Variants in CSMD1 observed in about 807,000 individuals in gnomAD.
CSMD1 encodes the protein CUB and Sushi multiple domains 1.
Under a neutral mutation model 417.5 loss-of-function variants are expected in CSMD1, and 213 were observed. The observed-to-expected ratio is 0.51, with a 90% CI of 0.46 to 0.57. The LOEUF (loss-of-function observed/expected upper bound fraction) is 0.57, where lower values mean the gene tolerates loss of function less well. Ranked by LOEUF, CSMD1 falls within the 20% of genes least tolerant of loss-of-function variation. The probability of loss-of-function intolerance (pLI) is 0.00; values close to 1 mark genes in which losing one functional copy is unlikely to be tolerated. For missense variants in CSMD1, 6,923 were observed against 4,529.7 expected, an observed-to-expected ratio of 1.53 and a Z score of -15.17; for synonymous variants, 2,862 against 1,736.8, an observed-to-expected ratio of 1.65 and a Z score of -16.11.
intron 5 of CSMD1, among the ~76,000 whole-genome samples, chr8:3,854,831 A>C (rs1804182198): frequency 6.6e-6 from 1 of 152,218 alleles, no homozygotes; most frequent in Non-Finnish European, 1.5e-5. Context: ...AAACATAACA[A>C]AAACAGGGAA....
chr8:4,764,308 A>G (rs968187956), intron 1 of CSMD1, among the ~76,000 whole-genome samples: 3 of 152,332 alleles, frequency 2.0e-5, no homozygotes, highest in African/African-American at 7.2e-5. Context: ...TTGAAAACAT[A>G]TAGTAGAGCA....
intron 5 of CSMD1, among the ~76,000 whole-genome samples, chr8:3,936,839 G>A (rs1232630734): frequency 6.6e-6 from 1 of 152,166 alleles, no homozygotes; most frequent in Non-Finnish European, 1.5e-5. Flanking sequence ...CATGGAGAGT[G>A]AGTCCATTGA....
At chr8:4,069,274 T>A (rs1799420723) in intron 3 of CSMD1, among the ~76,000 whole-genome samples, 1 of 152,214 alleles carries the variant, frequency 6.6e-6, no homozygotes, top group South Asian at 2.1e-4. Context: ...GAATTCTTTG[T>A]CTAGTAGGAG....
At chr8:4,202,226 T>C (rs750039799) in intron 3 of CSMD1, among the ~76,000 whole-genome samples, 2 of 152,240 alleles carry the variant, frequency 1.3e-5, no homozygotes, top group Non-Finnish European at 2.9e-5. Flanking sequence ...GACTATTTGA[T>C]GAATTATGCC....
chr8:3,319,151 C>T (rs1418620694), intron 23 of CSMD1, among the ~76,000 whole-genome samples: 1 of 152,072 alleles, frequency 6.6e-6, no homozygotes, highest in Non-Finnish European at 1.5e-5. Flanking sequence ...AAAGGCCTAG[C>T]TTTTAAAAAA....
In CSMD1 at chr8:2,961,189, G is replaced by T. The variant is rs771912478; in HGVS notation, c.9654C>A (p.Asp3218Glu). 54 of 1,600,620 alleles carry T rather than the reference G, an allele frequency of 3.4e-5. No individual in the cohort carries two copies. Among genetic ancestry groups the T allele is most frequent in the Non-Finnish European group, 4.4e-5 (52 of 1,171,348 alleles). ...GTATTCCAAAGTGTGGCGTACCAGG[G>T]TCTGGGCAGGTGTTATGAGCAGGAT... ...CIDPAHNTCP[D>E]PGTPHFGIQN... is the part of the protein sequence containing the mutation. Residue 3218 changes from aspartate to glutamate, a missense_variant, in exon 62 of 70, where the codon GAC becomes GAA. Physicochemically the swap from Asp to Glu is conservative, Grantham distance 45 (BLOSUM62 2). Coordinates refer to ENST00000635120, the MANE Select transcript of CSMD1 (RefSeq NM_033225.6).
intron 7 of CSMD1, among the ~76,000 whole-genome samples, chr8:3,707,483 G>C (rs10111124): frequency 0.38 from 57,925 of 152,084 alleles, 11,347 homozygotes; most frequent in East Asian, 0.56. Context: ...CCAATGGGTA[G>C]AAAGTCCTAG....
chr8:4,047,908 T>C (rs74565624), intron 3 of CSMD1, among the ~76,000 whole-genome samples: 5,615 of 152,206 alleles, frequency 0.037, 378 homozygotes, highest in African/African-American at 0.13. Context: ...TGATTTTATG[T>C]AGTATTATAA....
At chr8:4,244,377 G>C (rs957603788) in intron 3 of CSMD1, among the ~76,000 whole-genome samples, 1 of 152,154 alleles carries the variant, frequency 6.6e-6, no homozygotes, top group African/African-American at 2.4e-5. Flanking sequence ...ACCTAGAAAC[G>C]GATGTTTTTA....
chr8:3,881,444 G>T (rs1266885974), intron 5 of CSMD1, among the ~76,000 whole-genome samples: 2 of 151,390 alleles, frequency 1.3e-5, no homozygotes, highest in Non-Finnish European at 2.9e-5. Context: ...AGACCAGCCT[G>T]GTCAAGATGG....
rs374504160 is a variant in CSMD1, at chr8:3,316,322, T to TA, written c.3632-7820dup. Among the ~76,000 whole-genome samples, 8 of 151,840 alleles carry TA rather than the reference T, an allele frequency of 5.3e-5. No individual in the cohort carries two copies. The East Asian group carries it at 5.9e-4, about 11-fold the overall frequency. On this transcript the variant is annotated intron_variant, in intron 23 of 69. Coordinates refer to ENST00000635120, the MANE Select transcript of CSMD1 (RefSeq NM_033225.6). The stretch of plus-strand genomic sequence containing the variant: ...AAAAATAAAGGAAAATAATGAGCTG[T>TA]AAAAAAAATGTTTTCAAATCTATCA...
intron 1 of CSMD1, among the ~76,000 whole-genome samples, chr8:4,992,228 C>CCCGCCT (rs965910953): frequency 2.7e-5 from 4 of 150,568 alleles, no homozygotes; most frequent in African/African-American, 5.0e-5. Context: ...CACCCTCCCT[C>CCCGCCT]CCGCCTCCGC....
At chr8:4,865,160 T>C in intron 1 of CSMD1, among the ~76,000 whole-genome samples, 1 of 151,814 alleles carries the variant, frequency 6.6e-6, no homozygotes, top group East Asian at 1.9e-4. Flanking sequence ...AATCTTATTC[T>C]TGTTTTACTT....
At chr8:3,974,798 AT>A (rs1292089731) in intron 5 of CSMD1, among the ~76,000 whole-genome samples, 2 of 152,106 alleles carry the variant, frequency 1.3e-5, no homozygotes, top group African/African-American at 4.8e-5. Flanking sequence ...TTAATTCACA[AT>A]TTTTTATAAA....
At chr8:4,379,404 G>T (rs1197191464) in intron 3 of CSMD1, among the ~76,000 whole-genome samples, 3 of 152,174 alleles carry the variant, frequency 2.0e-5, no homozygotes, top group Admixed American at 2.0e-4. Flanking sequence ...AGTGACAGTG[G>T]CAAACCTGGT....
chr8:3,553,821 T>C (rs1799023556), intron 10 of CSMD1, among the ~76,000 whole-genome samples: 1 of 152,230 alleles, frequency 6.6e-6, no homozygotes. Context: ...ATATTTATAA[T>C]ATTTGTATCA....
intron 5 of CSMD1, among the ~76,000 whole-genome samples, chr8:3,939,461 A>G (rs760743842): frequency 1.1e-4 from 17 of 152,176 alleles, no homozygotes; most frequent in African/African-American, 1.7e-4. Context: ...GAGATTCCTT[A>G]AAGAACTAAA....
chr8:2,935,786 T>TA lies in CSMD1; in HGVS notation c.*2798dup, dbSNP rs1320776057. ...ATCATAATGCCAGCGTTCTTTTTTT[T>TA]ACCCCCTTTTTATAATAGCTTTTTG... On this transcript the variant is annotated 3_prime_UTR_variant, in exon 70 of 70. Transcript: ENST00000635120. 2.0e-5 allele frequency: 3 copies of TA among 152,200 alleles called. No homozygotes were observed. Among genetic ancestry groups the TA allele is most frequent in the South Asian group, 4.1e-4 (2 of 4,828 alleles). 9.4% of individuals were successfully genotyped at this position (152,200 alleles called of 1,614,324 possible).
intron 5 of CSMD1, among the ~76,000 whole-genome samples, chr8:3,988,173 A>C (rs1312512360): frequency 6.6e-6 from 1 of 152,124 alleles, no homozygotes. Context: ...AAACTAAATC[A>C]GAGTCTCTAA....
Sources: gnomAD v4.1 joint callset for allele counts (sites outside exome capture counted in the v4.1 genomes callset) on GRCh38, gnomAD v4.1.1 for gene constraint, MANE v1.5 for transcripts, NCBI Gene and HGNC (gene_info 2026-07-23, HGNC 2026-07-21) for gene names.